The following NOMO1 variants were observed in gnomAD, a reference collection of about 807,000 sequenced individuals.
NOMO1 encodes NODAL modulator 1.
In NOMO1, 40 loss-of-function variants were observed where a neutral mutation model predicts 133.8. The observed-to-expected ratio is 0.30, with a 90% confidence interval of 0.23 to 0.39. The LOEUF (loss-of-function observed/expected upper bound fraction) is 0.39, where lower values mean the gene tolerates loss of function less well. Ranked by LOEUF, NOMO1 falls within the 10% of genes least tolerant of loss-of-function variation. NOMO1 has a pLI of 1.00. For synonymous variants in NOMO1, 236 were observed against 570.5 expected, an observed-to-expected ratio of 0.41 and a Z score of 8.36; for missense variants, 462 against 1,419.9, an observed-to-expected ratio of 0.33 and a Z score of 10.84.
intron 14 of NOMO1, 89 bp from the exon 15 acceptor site, chr16:14,866,466 G>T: frequency 1.9e-6 from 3 of 1,606,350 alleles, no homozygotes; most frequent in East Asian, 2.3e-5. Flanking sequence ...TTTTAAAATT[G>T]ATTAATTCAT....
At chr16:14,882,774 G>T (rs975710533) in intron 26 of NOMO1, 97 bp downstream of exon 26, 1 of 1,596,270 alleles carries the variant, frequency 6.3e-7, no homozygotes, top group South Asian at 1.1e-5. Context: ...CATCTGTGGC[G>T]GGGGGAACTT....
intron 29 of NOMO1, among the ~76,000 whole-genome samples, chr16:14,889,583 A>G (rs922644810): frequency 1.1e-4 from 17 of 151,902 alleles, no homozygotes; most frequent in African/African-American, 4.1e-4. Context: ...TGGGGTGGCG[A>G]AAGAAGGCAT....
At chr16:14,859,909 C>A (rs1963897331) in intron 11 of NOMO1, among the ~76,000 whole-genome samples, 1 of 151,958 alleles carries the variant, frequency 6.6e-6, no homozygotes, top group Admixed American at 6.6e-5. Context: ...GAAAGATCTT[C>A]CCTAGTAGAG....
intron 1 of NOMO1, among the ~76,000 whole-genome samples, chr16:14,835,937 C>T (rs1030053467): frequency 1.5e-4 from 23 of 151,700 alleles, no homozygotes; most frequent in Non-Finnish European, 2.9e-4. Context: ...GTACAGTGAA[C>T]AGAACAGACA....
intron 2 of NOMO1, among the ~76,000 whole-genome samples, chr16:14,840,904 T>C (rs1178446993): frequency 6.6e-6 from 1 of 151,282 alleles, no homozygotes; most frequent in Non-Finnish European, 1.5e-5. Flanking sequence ...TGGCCTCAAG[T>C]GACCCTCCTG....
intron 11 of NOMO1, among the ~76,000 whole-genome samples, chr16:14,859,491 C>A (rs1196485026): frequency 3.3e-5 from 5 of 151,944 alleles, no homozygotes; most frequent in Admixed American, 1.3e-4. Flanking sequence ...GGGGCTTTCA[C>A]CCTACCAGGG....
chr16:14,894,350 C>T (rs1206004437), intron 29 of NOMO1, among the ~76,000 whole-genome samples: 3 of 152,236 alleles, frequency 2.0e-5, no homozygotes, highest in African/African-American at 7.2e-5. Flanking sequence ...GGGTGTGGCA[C>T]TTACCGCTTC....
chr16:14,864,666 A>T lies in NOMO1; in HGVS notation c.1477A>T (p.Met493Leu), dbSNP rs141860762. Reference protein sequence around the residue: ...TFPLTVTNRPMMDVAFVQFLA... With the variant: ...TFPLTVTNRPLMDVAFVQFLA... Reference sequence around the variant, plus strand: ...TCCTCTTACTGTGACCAACAGGCCCATGATGGATGTGGCCTTTGTACAGTT... The same window carrying T: ...TCCTCTTACTGTGACCAACAGGCCCTTGATGGATGTGGCCTTTGTACAGTT... Residue 493 changes from methionine to leucine, a missense_variant, in exon 13 of 31, where the codon ATG becomes TTG. Met to Leu is a conservative substitution (Grantham distance 15). Coordinates refer to ENST00000287667, the MANE Select transcript of NOMO1 (RefSeq NM_014287.4). 1.4e-5 allele frequency: 22 copies of T among 1,609,040 alleles called. 3 individuals are homozygous for T. In the African/African-American group the frequency reaches 2.6e-4, roughly 19 times the overall value.
At position 14,853,722 on chromosome 16, in the gene NOMO1, G is replaced by T. The variant is rs551468443; in HGVS notation, c.873+118G>T. The T allele has an allele frequency of 9.2e-5, 91 of 986,680 alleles. No individual in the cohort carries two copies. The South Asian group carries it at 1.1e-3, about 11-fold the overall frequency. 61.1% of individuals were successfully genotyped at this position (986,680 alleles called of 1,614,324 possible). ...TGGCCTGCAGTTCTCTGAACACGCT[G>T]TTAAGCAGTAACTTACTTAAGATGA... On this transcript the variant is annotated intron_variant, in intron 8 of 30. Transcript: ENST00000287667.
At chr16:14,895,250 T>C (rs1264492220) in intron 30 of NOMO1, among the ~76,000 whole-genome samples, 160 bp downstream of exon 30, 2 of 142,792 alleles carry the variant, frequency 1.4e-5, no homozygotes, top group Non-Finnish European at 3.0e-5. Context: ...AGGTCTCCTT[T>C]CAAGGCTGTA....
At chr16:14,881,499 A>G in intron 24 of NOMO1, 45 bp from the exon 25 acceptor site, 1 of 1,598,268 alleles carries the variant, frequency 6.3e-7, no homozygotes, top group South Asian at 1.1e-5. Context: ...GGTCCTTCAG[A>G]TAACCATGAG....
chr16:14,879,133 C>T (rs1214993995), intron 23 of NOMO1, among the ~76,000 whole-genome samples: 5 of 151,930 alleles, frequency 3.3e-5, no homozygotes, highest in African/African-American at 7.3e-5. Context: ...CGTTTTGCCA[C>T]GGAATCATGC....
At chr16:14,835,489 T>TC in intron 1 of NOMO1, among the ~76,000 whole-genome samples, 1 of 149,786 alleles carries the variant, frequency 6.7e-6, no homozygotes, top group Middle Eastern at 3.4e-3. Flanking sequence ...TTCCAGGGGT[T>TC]CTGGAAGGAA....
chr16:14,875,699 G>A (rs1239270832), intron 20 of NOMO1, among the ~76,000 whole-genome samples: 3 of 152,014 alleles, frequency 2.0e-5, no homozygotes, highest in African/African-American at 7.3e-5. Flanking sequence ...GAATTGAGTT[G>A]ATCTTTTTGG....
At chr16:14,855,669 G>GCT (rs1963823644) in intron 9 of NOMO1, among the ~76,000 whole-genome samples, 5 of 152,018 alleles carry the variant, frequency 3.3e-5, no homozygotes, top group African/African-American at 1.2e-4. Flanking sequence ...TGCAGAGAAG[G>GCT]ATGGGGGCAG....
At chr16:14,860,367 C>CAA (rs1177987042) in intron 11 of NOMO1, among the ~76,000 whole-genome samples, 2 of 79,384 alleles carry the variant, frequency 2.5e-5, no homozygotes, top group Non-Finnish European at 2.6e-5. Context: ...GATTCCGTCT[C>CAA]AAAAAAAAAA....
intron 3 of NOMO1, among the ~76,000 whole-genome samples, chr16:14,841,679 G>A (rs951502768): frequency 6.7e-6 from 1 of 150,164 alleles, no homozygotes; most frequent in Non-Finnish European, 1.5e-5. Context: ...CACTCATTAC[G>A]TGGCCGTGGA....
intron 4 of NOMO1, among the ~76,000 whole-genome samples, chr16:14,846,024 CTT>C (rs1195109475): frequency 4.1e-5 from 5 of 122,960 alleles, no homozygotes; most frequent in Admixed American, 8.2e-5. Context: ...TGTACATTTA[CTT>C]TTTTTTTTTT....
chr16:14,880,738 GTGCT>G (rs1379202648), intron 24 of NOMO1, among the ~76,000 whole-genome samples: 4 of 152,054 alleles, frequency 2.6e-5, no homozygotes. Context: ...AGGAGAAAAT[GTGCT>G]CAGTTGAATA....
Sources: allele counts gnomAD v4.1 joint callset (sites outside exome capture counted in the v4.1 genomes callset), GRCh38; gene constraint gnomAD v4.1.1; transcripts MANE v1.5; gene names NCBI Gene and HGNC (gene_info 2026-07-23, HGNC 2026-07-21).